DHRSX: variants seen among roughly 807,000 people sequenced by gnomAD.
The protein encoded by DHRSX is polyprenol dehydrogenase.
In DHRSX, 31 loss-of-function variants were observed where a neutral mutation model predicts 34.0. That is an observed-to-expected ratio of 0.91 (90% CI 0.69 to 1.23). The LOEUF is 1.23. Among genes scored for constraint, DHRSX ranks in the 50% most tolerant of loss-of-function variants. The probability of loss-of-function intolerance (pLI) is 0.00; values close to 1 mark genes in which losing one functional copy is unlikely to be tolerated. For missense variants in DHRSX, 414 were observed against 428.1 expected, an observed-to-expected ratio of 0.97 and a Z score of 0.29; for synonymous variants, 201 against 183.8, an observed-to-expected ratio of 1.09 and a Z score of -0.76.
rs1306545511 is a variant in DHRSX at position 2,464,436 on chromosome X, TG to T, written c.109+36380del. Among the ~76,000 whole-genome samples, 5 of 81,012 alleles carry T rather than the reference TG, an allele frequency of 6.2e-5. No individual in the cohort carries two copies. In the East Asian group the frequency reaches 1.3e-3, roughly 21 times the overall value. The allele number at this position is 81,012 out of a possible 152,430, so 53.1% of individuals were successfully genotyped here. On this transcript the variant is annotated intron_variant, in intron 1 of 6. Transcript: ENST00000334651. ...ACACACTGAAGATGTTCCCTAAGAA[TG>T]TGGGTAAGGGACCGCCGCCATGTTC...
At chrX:2,423,485 A>G (rs5982793) in intron 2 of DHRSX, among the ~76,000 whole-genome samples, 104,183 of 151,814 alleles carry the variant, frequency 0.69, 36,288 homozygotes, top group East Asian at 0.94. Flanking sequence ...TCAGCGACTC[A>G]TGAGGCTGAG....
intron 3 of DHRSX, among the ~76,000 whole-genome samples, chrX:2,296,543 TAGACCCCAGGCAG>T (rs2124497250): frequency 8.7e-6 from 1 of 115,264 alleles, no homozygotes; most frequent in Admixed American, 9.1e-5. Context: ...CCCAGGCAGA[TAGACCCCAGGCAG>T]ATAGGAATAG....
intron 3 of DHRSX, among the ~76,000 whole-genome samples, chrX:2,309,589 T>TCA (rs1427569545): frequency 6.6e-6 from 1 of 152,144 alleles, no homozygotes; most frequent in Non-Finnish European, 1.5e-5. Flanking sequence ...CAGATCTTAG[T>TCA]CAACCTTGTA....
Position 2,311,479 on chromosome X carries a change from A to G in DHRSX, c.287-19876T>C, listed in dbSNP as rs775025836. On this transcript the variant is annotated intron_variant, in intron 3 of 6. Transcript: ENST00000334651. ...CTGTAAATATTGTTGTCAGAATGGTAAAGTGTTCAGATAATTAAAGTTGTC... is the reference window on the plus strand; with the variant it reads ...CTGTAAATATTGTTGTCAGAATGGTGAAGTGTTCAGATAATTAAAGTTGTC... 2.0e-5 allele frequency among the ~76,000 whole-genome samples: 3 copies of G among 152,304 alleles called. No homozygotes were observed. In the East Asian group the frequency reaches 5.8e-4, roughly 29 times the overall value.
At chrX:2,351,135 G>A (rs1412294391) in intron 3 of DHRSX, among the ~76,000 whole-genome samples, 1 of 152,060 alleles carries the variant, frequency 6.6e-6, no homozygotes, top group Non-Finnish European at 1.5e-5. Context: ...ATGCATGCAG[G>A]GCTTAAAACG....
chrX:2,490,390 C>T, intron 1 of DHRSX: 1 of 1,613,808 alleles, frequency 6.2e-7, no homozygotes, highest in Non-Finnish European at 8.5e-7. Context: ...CCTTGACGGC[C>T]AGCGCGTCCT....
At chrX:2,439,192 G>A (rs1204530536) in intron 1 of DHRSX, among the ~76,000 whole-genome samples, 1 of 151,240 alleles carries the variant, frequency 6.6e-6, no homozygotes, top group African/African-American at 2.4e-5. Flanking sequence ...TAAAAATAAA[G>A]TAAAATAACA....
At chrX:2,256,489 T>C (rs993220127) in intron 5 of DHRSX, among the ~76,000 whole-genome samples, 3 of 152,034 alleles carry the variant, frequency 2.0e-5, no homozygotes, top group Non-Finnish European at 4.4e-5. Context: ...AGAGACGGGG[T>C]TTCCCCATGT....
chrX:2,441,898 C>A (rs1334810500), intron 1 of DHRSX, among the ~76,000 whole-genome samples: 2 of 151,970 alleles, frequency 1.3e-5, no homozygotes, highest in Non-Finnish European at 2.9e-5. Context: ...TGGTGAAACT[C>A]CGTCTTTACT....
At chrX:2,291,628 T>C in intron 3 of DHRSX, 25 bp from the exon 4 acceptor site, 4 of 1,550,850 alleles carry the variant, frequency 2.6e-6, no homozygotes, top group East Asian at 2.2e-5. Context: ...CAACAAAAAA[T>C]ACCTGGTTAT....
At chrX:2,423,177 C>T (rs1490491930) in intron 2 of DHRSX, among the ~76,000 whole-genome samples, 2 of 150,328 alleles carry the variant, frequency 1.3e-5, no homozygotes, top group Admixed American at 6.6e-5. Flanking sequence ...CTTTGGGAGG[C>T]GGAGGTGGGC....
intron 4 of DHRSX, among the ~76,000 whole-genome samples, chrX:2,271,985 G>T (rs946436587): frequency 1.4e-4 from 21 of 150,940 alleles, no homozygotes; most frequent in African/African-American, 4.4e-4. Context: ...AGGTTGCAGT[G>T]AGCCGAGATC....
intron 6 of DHRSX, among the ~76,000 whole-genome samples, chrX:2,230,246 T>A (rs2015844019): frequency 6.6e-6 from 1 of 152,200 alleles, no homozygotes; most frequent in South Asian, 2.1e-4. Flanking sequence ...TGTGCACATG[T>A]GTACGTGCAC....
intron 6 of DHRSX, among the ~76,000 whole-genome samples, chrX:2,239,006 T>C (rs987784451): frequency 6.6e-6 from 1 of 152,210 alleles, no homozygotes; most frequent in African/African-American, 2.4e-5. Flanking sequence ...TGCAGCTGTA[T>C]AGCCTTTTCT....
chrX:2,327,211 G>A (rs1318778071), intron 3 of DHRSX, among the ~76,000 whole-genome samples: 1 of 152,220 alleles, frequency 6.6e-6, no homozygotes, highest in Non-Finnish European at 1.5e-5. Context: ...AAGCAGCAAA[G>A]CTGCAAAATG....
intron 3 of DHRSX, among the ~76,000 whole-genome samples, chrX:2,323,324 C>T (rs1407628318): frequency 6.6e-6 from 1 of 152,132 alleles, no homozygotes; most frequent in East Asian, 1.9e-4. Context: ...TTGAAAACTC[C>T]TACGGGATGC....
chrX:2,444,534 A>G (rs2044103285), intron 1 of DHRSX, among the ~76,000 whole-genome samples: 1 of 152,162 alleles, frequency 6.6e-6, no homozygotes, highest in Non-Finnish European at 1.5e-5. Flanking sequence ...CTGTTGAACA[A>G]TTACACACAT....
At chrX:2,496,131 G>A (rs1483113728) in intron 1 of DHRSX, among the ~76,000 whole-genome samples, 1 of 152,220 alleles carries the variant, frequency 6.6e-6, no homozygotes, top group African/African-American at 2.4e-5. Flanking sequence ...GCGTGGTGGC[G>A]ATAGTTAATA....
intron 3 of DHRSX, among the ~76,000 whole-genome samples, chrX:2,319,668 C>T (rs141425883): frequency 1.5e-4 from 23 of 150,054 alleles, no homozygotes; most frequent in Non-Finnish European, 8.9e-5. Context: ...ATATACATAA[C>T]ATACAAACTA....
Sources: gnomAD v4.1 joint callset for allele counts (sites outside exome capture counted in the v4.1 genomes callset) on GRCh38, gnomAD v4.1.1 for gene constraint, MANE v1.5 for transcripts, NCBI Gene and HGNC (gene_info 2026-07-23, HGNC 2026-07-21) for gene names.